CLIP1: variants seen among roughly 807,000 people sequenced by gnomAD.
CLIP1 encodes the protein CAP-Gly domain containing linker protein 1, also known as CAP-Gly domain-containing linker protein 1.
A neutral mutation model predicts 161.6 loss-of-function variants in CLIP1; 66 were observed. That is an observed-to-expected ratio of 0.41 (90% CI 0.33 to 0.50). CLIP1 has a LOEUF of 0.50. CLIP1 is among the 20% of genes least tolerant of loss of function. CLIP1 has a pLI of 0.27. For missense variants in CLIP1, 1,376 were observed against 1,702.0 expected (o/e 0.81, Z 3.37); for synonymous variants, 598 against 626.2 (o/e 0.96, Z 0.67).
intron 10 of CLIP1, chr12:122,342,371 C>G (rs756969822): frequency 6.6e-6 from 1 of 152,192 alleles, no homozygotes; most frequent in Non-Finnish European, 1.5e-5. Flanking sequence ...TGCATAAATG[C>G]TTATCCATTT....
At position 122,414,176 on chromosome 12, in the gene CLIP1, T is replaced by C. The variant is rs114137542; in HGVS notation, c.-107+8345A>G. Among the ~76,000 whole-genome samples, 496 of 152,310 alleles carry C rather than the reference T, an allele frequency of 3.3e-3. 3 individuals are homozygous for C. Among genetic ancestry groups the C allele is most frequent in the African/African-American group, 0.011 (475 of 41,566 alleles). ...TTTTTTGAGACAGGGTCTCACTCTGTTGTCCAGCTTGGAGTGCAGTGGCGT... is the reference window on the plus strand; with the variant it reads ...TTTTTTGAGACAGGGTCTCACTCTGCTGTCCAGCTTGGAGTGCAGTGGCGT... On this transcript the variant is annotated intron_variant, in intron 1 of 25. Coordinates refer to ENST00000620786, the MANE Select transcript of CLIP1 (RefSeq NM_001247997.2).
chr12:122,317,330 T>A (rs747584265), intron 18 of CLIP1, among the ~76,000 whole-genome samples: 91 of 152,200 alleles, frequency 6.0e-4, no homozygotes, highest in Non-Finnish European at 1.0e-3. Context: ...TTACAAAAAT[T>A]ATTTATTTGA....
intron 12 of CLIP1, 113 bp downstream of exon 12, chr12:122,336,519 G>T: frequency 1.5e-6 from 1 of 650,154 alleles, no homozygotes; most frequent in Middle Eastern, 2.9e-4. Context: ...CACTCAAGTT[G>T]AATCAACACT....
intron 15 of CLIP1, among the ~76,000 whole-genome samples, chr12:122,331,819 A>G: frequency 6.6e-6 from 1 of 150,606 alleles, no homozygotes; most frequent in Non-Finnish European, 1.5e-5. Flanking sequence ...ACATGGTGAA[A>G]ACTCATCTTT....
chr12:122,348,530 T>A (rs79232801), intron 9 of CLIP1, among the ~76,000 whole-genome samples: 3,163 of 152,270 alleles, frequency 0.021, 64 homozygotes, highest in African/African-American at 0.05. Flanking sequence ...TCCCCACCAT[T>A]ACGCACTTGG....
chr12:122,355,572 GC>G lies in CLIP1; in HGVS notation c.1006-261del. ...GCCTGTAATCCTAGCACTTCAGGAGGCCAAGGCGGGTGGATCACTTGAGGCC... is the reference window on the plus strand; with the variant it reads ...GCCTGTAATCCTAGCACTTCAGGAGGCAAGGCGGGTGGATCACTTGAGGCC... On this transcript the variant is annotated intron_variant, in intron 5 of 25. Coordinates refer to ENST00000620786, the MANE Select transcript of CLIP1 (RefSeq NM_001247997.2). This position sits in a 1 kb window ranked among gnomAD's most constrained non-coding sequence, Gnocchi z 4.1. 2.5e-6 allele frequency: 1 copy of G among 399,942 alleles called. No homozygotes were observed. The highest frequency in any genetic ancestry group is 4.6e-6 in the Non-Finnish European group (1 of 218,904). 24.8% of individuals were successfully genotyped at this position (399,942 alleles called of 1,614,324 possible).
intron 6 of CLIP1, chr12:122,354,836 G>C (rs997338094): frequency 3.5e-6 from 2 of 577,826 alleles, no homozygotes; most frequent in Non-Finnish European, 6.2e-6. Flanking sequence ...TCAATCATTG[G>C]TAAGGCCCTA....
intron 25 of CLIP1, among the ~76,000 whole-genome samples, chr12:122,273,768 G>C (rs952561629): frequency 6.6e-6 from 1 of 151,600 alleles, no homozygotes; most frequent in African/African-American, 2.4e-5. Context: ...GTCTTGCTCT[G>C]TCACCCAGGT....
intron 17 of CLIP1, among the ~76,000 whole-genome samples, chr12:122,320,796 G>A (rs1234237988): frequency 1.3e-5 from 2 of 149,204 alleles, no homozygotes; most frequent in Non-Finnish European, 3.0e-5. Flanking sequence ...TGCAACCTCC[G>A]CCTCCCTGGT....
intron 20 of CLIP1, among the ~76,000 whole-genome samples, chr12:122,294,328 C>CAAAA (rs59785886): frequency 5.2e-4 from 44 of 84,064 alleles, no homozygotes; most frequent in African/African-American, 2.0e-3. Flanking sequence ...GACTCTGTCT[C>CAAAA]AAAAAAAAAA....
intron 18 of CLIP1, among the ~76,000 whole-genome samples, chr12:122,318,333 G>C (rs1250549922): frequency 6.6e-6 from 1 of 152,190 alleles, no homozygotes; most frequent in African/African-American, 2.4e-5. Context: ...AGGAGTTCCA[G>C]AACAGCCTGG....
intron 3 of CLIP1, among the ~76,000 whole-genome samples, chr12:122,376,929 T>G (rs1954763960): frequency 6.6e-6 from 1 of 152,062 alleles, no homozygotes; most frequent in South Asian, 2.1e-4. Flanking sequence ...TAAACTGAAC[T>G]GATTAATTTC....
At chr12:122,285,952 T>C (rs778116324) in intron 21 of CLIP1, among the ~76,000 whole-genome samples, 5 of 150,494 alleles carry the variant, frequency 3.3e-5, no homozygotes, top group Admixed American at 2.6e-4. Context: ...AGGGACGAGG[T>C]TTAGGCATGG....
chr12:122,414,019 C>T (rs187036650), intron 1 of CLIP1, among the ~76,000 whole-genome samples: 2 of 152,234 alleles, frequency 1.3e-5, no homozygotes, highest in Non-Finnish European at 1.5e-5. Context: ...AAAAAGTCTC[C>T]CTCTGTTCCC....
At chr12:122,364,615 G>T (rs1194026509) in intron 3 of CLIP1, among the ~76,000 whole-genome samples, 1 of 151,976 alleles carries the variant, frequency 6.6e-6, no homozygotes, top group Non-Finnish European at 1.5e-5. Context: ...ATGTTGCCCA[G>T]GCTGGTCTTG....
intron 5 of CLIP1, among the ~76,000 whole-genome samples, chr12:122,359,666 C>T (rs1217397470): frequency 6.6e-6 from 1 of 152,158 alleles, no homozygotes; most frequent in Non-Finnish European, 1.5e-5. Flanking sequence ...CTTATTCTAC[C>T]TGAACATAGA....
intron 1 of CLIP1, among the ~76,000 whole-genome samples, 200 bp from the exon 2 acceptor site, chr12:122,380,758 G>T (rs893440578): frequency 3.3e-5 from 5 of 151,946 alleles, no homozygotes; most frequent in Non-Finnish European, 7.4e-5. Flanking sequence ...CTATCCTCAA[G>T]ACAAGCAGTT....
intron 15 of CLIP1, among the ~76,000 whole-genome samples, chr12:122,331,720 T>C (rs2136269405): frequency 6.6e-6 from 1 of 152,276 alleles, no homozygotes; most frequent in East Asian, 1.9e-4. Context: ...TCAGGCCAGG[T>C]ACGGTGACTC....
chr12:122,411,973 T>A (rs1038039122), intron 1 of CLIP1, among the ~76,000 whole-genome samples: 1 of 152,012 alleles, frequency 6.6e-6, no homozygotes, highest in African/African-American at 2.4e-5. Context: ...GTATGGCATA[T>A]GAATTATATC....
Sources: gnomAD v4.1 joint callset for allele counts (sites outside exome capture counted in the v4.1 genomes callset) on GRCh38, gnomAD v4.1.1 for gene constraint, Gnocchi (gnomAD v3.1) non-coding constraint, MANE v1.5 for transcripts, NCBI Gene and HGNC (gene_info 2026-07-23, HGNC 2026-07-21) for gene names.